SLC35F1: variants seen among roughly 807,000 people sequenced by gnomAD.
SLC35F1 encodes chromosome 6 open reading frame 169.
In SLC35F1, 14 loss-of-function variants were observed where a neutral mutation model predicts 48.7. That is an observed-to-expected ratio of 0.29 (90% CI 0.19 to 0.45). The LOEUF is 0.45. Among genes scored for constraint, SLC35F1 ranks in the 20% least tolerant of loss-of-function variants. SLC35F1 has a pLI of 1.00. For synonymous variants in SLC35F1, 190 were observed against 202.2 expected (o/e 0.94, Z 0.51); for missense variants, 404 against 500.0 (o/e 0.81, Z 1.83).
At chr6:118,142,014 G>A (rs1471561392) in intron 1 of SLC35F1, among the ~76,000 whole-genome samples, 3 of 152,102 alleles carry the variant, frequency 2.0e-5, no homozygotes, top group African/African-American at 7.2e-5. Flanking sequence ...TTTATCCTTG[G>A]CAGTGGCTCC....
intron 2 of SLC35F1, among the ~76,000 whole-genome samples, chr6:118,170,798 C>G (rs2114495049): frequency 6.6e-6 from 1 of 152,114 alleles, no homozygotes; most frequent in East Asian, 1.9e-4. Context: ...TGAATATAAA[C>G]AGTAAGTGTT....
intron 2 of SLC35F1, among the ~76,000 whole-genome samples, chr6:118,167,540 G>T (rs1002849074): frequency 6.6e-6 from 1 of 152,028 alleles, no homozygotes; most frequent in Non-Finnish European, 1.5e-5. Flanking sequence ...GTATATATTT[G>T]TGTATCTAAA....
At chr6:117,969,657 G>A (rs1311180851) in intron 1 of SLC35F1, among the ~76,000 whole-genome samples, 3 of 152,076 alleles carry the variant, frequency 2.0e-5, no homozygotes, top group Non-Finnish European at 4.4e-5. Flanking sequence ...TGAGGGTTCA[G>A]TGAGCTATGA....
rs1024358640 is a variant in SLC35F1, at chr6:118,289,992, G to T, written c.1002+4654G>T. ...GACAAGACAATTGTTTGTTTTGGGG[G>T]CCTGTCCTTTGCTTTATCCCTGGCC... On this transcript the variant is annotated intron_variant, in intron 7 of 7. Coordinates refer to ENST00000360388, the MANE Select transcript of SLC35F1 (RefSeq NM_001029858.4). 2.0e-5 allele frequency among the ~76,000 whole-genome samples: 3 copies of T among 152,274 alleles called. No individual in the cohort carries two copies. The East Asian group carries it at 5.8e-4, about 29-fold the overall frequency.
rs1470429218 is a variant in SLC35F1, at chr6:117,907,737, C to G, written c.11C>G (p.Pro4Arg). 1.3e-6 allele frequency: 2 copies of G among 1,542,834 alleles called. No individual in the cohort carries two copies. The highest frequency in any genetic ancestry group is 1.7e-6 in the Non-Finnish European group (2 of 1,151,288). ...TCAGCCTCTGCCGCGATGATCCCCC[C>G]TGAGCAGCCGCAGCAGCAGCTGCAG... MIP[P>R]EQPQQQLQPP... Residue 4 changes from proline (P) to arginine (R), a missense_variant, in exon 1 of 8, where the codon CCT becomes CGT. Physicochemically the swap from Pro to Arg is moderately radical, Grantham distance 103. Coordinates refer to ENST00000360388, the MANE Select transcript of SLC35F1 (RefSeq NM_001029858.4).
At chr6:118,176,816 G>T (rs1046215542) in intron 2 of SLC35F1, among the ~76,000 whole-genome samples, 1 of 151,922 alleles carries the variant, frequency 6.6e-6, no homozygotes, top group Non-Finnish European at 1.5e-5. Context: ...CCCTTGGGAT[G>T]CTTCCTCCTT....
chr6:118,093,997 T>C (rs944860623), intron 1 of SLC35F1, among the ~76,000 whole-genome samples: 2 of 152,226 alleles, frequency 1.3e-5, no homozygotes, highest in Admixed American at 6.5e-5. Flanking sequence ...TCTGAAGCGA[T>C]GCATGTAAAC....
At chr6:118,249,082 T>C (rs1273974156) in intron 3 of SLC35F1, among the ~76,000 whole-genome samples, 1 of 152,226 alleles carries the variant, frequency 6.6e-6, no homozygotes, top group Non-Finnish European at 1.5e-5. Flanking sequence ...TCTTTGATCT[T>C]AGACACCAAC....
intron 1 of SLC35F1, among the ~76,000 whole-genome samples, chr6:118,119,083 A>G (rs1417706513): frequency 6.6e-6 from 1 of 152,148 alleles, no homozygotes; most frequent in Non-Finnish European, 1.5e-5. Flanking sequence ...CTATGTGACT[A>G]TAGATCTCAA....
chr6:118,095,732 G>A (rs1183577450), intron 1 of SLC35F1, among the ~76,000 whole-genome samples: 1 of 152,142 alleles, frequency 6.6e-6, no homozygotes, highest in Non-Finnish European at 1.5e-5. Context: ...TCAAACAGAA[G>A]TGGAGCCTGA....
In SLC35F1 at chr6:118,309,425, C is replaced by A. The variant is rs972578706; in HGVS notation, c.1003-4603C>A. 2.6e-5 allele frequency among the ~76,000 whole-genome samples: 4 copies of A among 152,118 alleles called. No homozygotes were observed. The South Asian group carries it at 8.3e-4, about 32-fold the overall frequency. On this transcript the variant is annotated intron_variant, in intron 7 of 7. Coordinates refer to ENST00000360388, the MANE Select transcript of SLC35F1 (RefSeq NM_001029858.4). ...CACTTCCCAGGGAAAAAGGAAAAAACCAGGCCCACCATATAGAAGTACTTG... is the reference window on the plus strand; with the variant it reads ...CACTTCCCAGGGAAAAAGGAAAAAAACAGGCCCACCATATAGAAGTACTTG...
intron 7 of SLC35F1, among the ~76,000 whole-genome samples, chr6:118,303,245 A>G (rs1000749545): frequency 6.6e-6 from 1 of 152,242 alleles, no homozygotes; most frequent in African/African-American, 2.4e-5. Context: ...TTGAAAAAGA[A>G]CAGCTTCCAA....
intron 1 of SLC35F1, among the ~76,000 whole-genome samples, chr6:118,124,663 AT>A (rs2114408537): frequency 6.6e-6 from 1 of 152,256 alleles, no homozygotes; most frequent in East Asian, 1.9e-4. Context: ...TATCATGACC[AT>A]TTGAAGGTTG....
At chr6:117,985,637 G>A (rs562424484) in intron 1 of SLC35F1, among the ~76,000 whole-genome samples, 19 of 152,104 alleles carry the variant, frequency 1.2e-4, no homozygotes, top group Non-Finnish European at 2.2e-4. Context: ...CTTTTAAGCC[G>A]TATGCTCTGT....
At chr6:117,927,925 G>C (rs1026135886) in intron 1 of SLC35F1, among the ~76,000 whole-genome samples, 4 of 152,138 alleles carry the variant, frequency 2.6e-5, no homozygotes, top group African/African-American at 9.7e-5. Context: ...CATGGAGATA[G>C]ATTTCTCGAG....
At chr6:117,985,708 T>C (rs76026480) in intron 1 of SLC35F1, among the ~76,000 whole-genome samples, 1 of 152,244 alleles carries the variant, frequency 6.6e-6, no homozygotes, top group Non-Finnish European at 1.5e-5. Flanking sequence ...TCATTTCTTT[T>C]TGACTAGCAA....
chr6:118,013,995 T>C (rs1777287060), intron 1 of SLC35F1, among the ~76,000 whole-genome samples: 2 of 152,104 alleles, frequency 1.3e-5, no homozygotes, highest in Non-Finnish European at 2.9e-5. Flanking sequence ...TTAGAAAAAA[T>C]ACAGAATAAT....
intron 1 of SLC35F1, among the ~76,000 whole-genome samples, chr6:118,001,660 G>A (rs1450781575): frequency 6.6e-6 from 1 of 152,040 alleles, no homozygotes; most frequent in East Asian, 1.9e-4. Context: ...AGAGTGAACA[G>A]GCAACCTACA....
chr6:118,294,980 A>G (rs1776166125), intron 7 of SLC35F1, among the ~76,000 whole-genome samples: 1 of 152,150 alleles, frequency 6.6e-6, no homozygotes, highest in Non-Finnish European at 1.5e-5. Flanking sequence ...ATAATTTTTA[A>G]ATAATTGCTT....
Sources: gnomAD v4.1 joint callset for allele counts (sites outside exome capture counted in the v4.1 genomes callset) on GRCh38, gnomAD v4.1.1 for gene constraint, MANE v1.5 for transcripts, NCBI Gene and HGNC (gene_info 2026-07-23, HGNC 2026-07-21) for gene names.